LGSN: variants seen among roughly 807,000 people sequenced by gnomAD.
The protein encoded by LGSN is lengsin.
A neutral mutation model predicts 19.5 loss-of-function variants in LGSN; 21 were observed. The observed-to-expected ratio is 1.07, with a 90% confidence interval of 0.76 to 1.55. The LOEUF (loss-of-function observed/expected upper bound fraction) is 1.55. Ranked by LOEUF, LGSN falls within the 40% of genes most tolerant of loss-of-function variation. LGSN has a pLI of 0.00. For synonymous variants in LGSN, 257 were observed against 215.6 expected (o/e 1.19, Z -1.68); for missense variants, 673 against 608.5 (o/e 1.11, Z -1.12).
the LGSN span, among the ~76,000 whole-genome samples, chr6:63,330,863 G>C: frequency 6.6e-6 from 1 of 152,178 alleles, no homozygotes; most frequent in Admixed American, 6.5e-5. Flanking sequence ...TAAAGGCCAG[G>C]GTTTGATCTA....
At chr6:63,421,607 A>G in the LGSN span, among the ~76,000 whole-genome samples, 1 of 152,088 alleles carries the variant, frequency 6.6e-6, no homozygotes, top group Non-Finnish European at 1.5e-5. Context: ...ACGTGCCTGT[A>G]GTCCCAGCTA....
the LGSN span, among the ~76,000 whole-genome samples, chr6:63,350,993 T>G: frequency 1.3e-5 from 2 of 152,182 alleles, no homozygotes; most frequent in Non-Finnish European, 2.9e-5. Flanking sequence ...TATTTGTGTC[T>G]CTTCCACCCA....
chr6:63,552,933 A>G, the LGSN span, among the ~76,000 whole-genome samples: 1 of 152,128 alleles, frequency 6.6e-6, no homozygotes. Flanking sequence ...GCCTTGTAGT[A>G]TAGTTTGAAG....
the LGSN span, among the ~76,000 whole-genome samples, chr6:63,369,556 G>A: frequency 6.6e-6 from 1 of 152,126 alleles, no homozygotes; most frequent in Non-Finnish European, 1.5e-5. Flanking sequence ...TTGAACCATG[G>A]GGCCTATCAG....
chr6:63,405,168 G>C, the LGSN span, among the ~76,000 whole-genome samples: 3 of 151,900 alleles, frequency 2.0e-5, no homozygotes, highest in East Asian at 3.9e-4. Flanking sequence ...GTATTCCATG[G>C]TGTATATGTG....
the LGSN span, among the ~76,000 whole-genome samples, chr6:63,550,869 G>C: frequency 6.6e-6 from 1 of 152,020 alleles, no homozygotes; most frequent in Non-Finnish European, 1.5e-5. Context: ...CAGGTGATCC[G>C]CCTGCCTCGG....
At chr6:63,540,657 G>C in the LGSN span, among the ~76,000 whole-genome samples, 1 of 151,632 alleles carries the variant, frequency 6.6e-6, no homozygotes, top group East Asian at 1.9e-4. Context: ...AAAGAAAAAA[G>C]TTAGATGAAA....
At chr6:63,333,436 A>G in the LGSN span, among the ~76,000 whole-genome samples, 2 of 151,544 alleles carry the variant, frequency 1.3e-5, 1 homozygote, top group South Asian at 4.2e-4. Flanking sequence ...AGAAAAGAAA[A>G]GAAAAGAGGG....
In LGSN at chr6:63,279,950, A is replaced by C. The variant is rs1767223862; in HGVS notation, c.*71T>G. 1 of 1,370,592 alleles carries C rather than the reference A, an allele frequency of 7.3e-7. No homozygotes were observed. Among genetic ancestry groups the C allele is most frequent in the Admixed American group, 2.4e-5 (1 of 42,214 alleles). The allele number at this position is 1,370,592 out of a possible 1,614,324, so 84.9% of individuals were successfully genotyped here. A position where few individuals can be genotyped will look rare whatever the true frequency, so the allele number is the denominator to read the frequency against. On this transcript the variant is annotated 3_prime_UTR_variant, in exon 4 of 4. Coordinates refer to ENST00000370657, the MANE Select transcript of LGSN (RefSeq NM_016571.3). Reference sequence around the variant, plus strand: ...TTGCTGTTGTTAATTACAAAAGTTCAGTCTTTTTGTTTTGGTAGATTAGCT... The same window carrying C: ...TTGCTGTTGTTAATTACAAAAGTTCCGTCTTTTTGTTTTGGTAGATTAGCT...
the LGSN span, among the ~76,000 whole-genome samples, chr6:63,529,187 G>T: frequency 6.9e-6 from 1 of 145,320 alleles, no homozygotes; most frequent in Non-Finnish European, 1.5e-5. Flanking sequence ...GTATATATAT[G>T]TGTGTATATA....
the LGSN span, among the ~76,000 whole-genome samples, chr6:63,476,318 A>G: frequency 6.6e-6 from 1 of 152,236 alleles, no homozygotes; most frequent in East Asian, 1.9e-4. Flanking sequence ...AGAGCAGTTG[A>G]AAAAACCAGG....
chr6:63,305,464 T>C (rs1337053680), intron 1 of LGSN, among the ~76,000 whole-genome samples: 1 of 152,180 alleles, frequency 6.6e-6, no homozygotes, highest in Non-Finnish European at 1.5e-5. Context: ...CCTAGAACTT[T>C]ATAAACAGAC....
At chr6:63,358,980 A>T in the LGSN span, among the ~76,000 whole-genome samples, 2 of 152,170 alleles carry the variant, frequency 1.3e-5, no homozygotes, top group Non-Finnish European at 2.9e-5. Flanking sequence ...TGTCATAAAT[A>T]GCTGTTATTA....
chr6:63,414,560 C>G, the LGSN span, among the ~76,000 whole-genome samples: 1 of 152,136 alleles, frequency 6.6e-6, no homozygotes, highest in South Asian at 2.1e-4. Context: ...TATGCACAAA[C>G]TAATAAAATT....
chr6:63,452,851 T>C, the LGSN span, among the ~76,000 whole-genome samples: 2 of 152,034 alleles, frequency 1.3e-5, no homozygotes, highest in Non-Finnish European at 2.9e-5. Context: ...AATTTGCCCC[T>C]TTTTTTCTAG....
intron 1 of LGSN, among the ~76,000 whole-genome samples, chr6:63,302,901 T>TGGATCAC (rs1441469231): frequency 6.6e-6 from 1 of 151,952 alleles, no homozygotes; most frequent in African/African-American, 2.4e-5. Flanking sequence ...CCGAGGTAGG[T>TGGATCAC]GGATCACTCG....
Position 63,285,731 on chromosome 6 carries a change from T to A in LGSN, c.186A>T (p.Gln62His). 1 of 1,614,018 alleles carries A rather than the reference T, an allele frequency of 6.2e-7. No individual in the cohort carries two copies. Among genetic ancestry groups the A allele is most frequent in the Non-Finnish European group, 8.5e-7 (1 of 1,179,946 alleles). The change falls in exon 3 of 4, where the codon CAA (glutamine) becomes CAT (histidine). Residue 62 changes from glutamine to histidine, a missense_variant. Physicochemically the swap from Gln to His is conservative, Grantham distance 24 (BLOSUM62 0). Transcript: ENST00000370657. ...AAGAGAGTTGAGGTGGGGTCAAAAT[T>A]TGACTGCTGTCCCTCATGCAATCTG... is the stretch of plus-strand genomic sequence containing the variant. The part of the protein sequence containing the change: ...NSNDCMRDSS[Q>H]ILTPPQLSSR...
At chr6:63,519,764 A>G in the LGSN span, among the ~76,000 whole-genome samples, 1 of 152,230 alleles carries the variant, frequency 6.6e-6, no homozygotes, top group Non-Finnish European at 1.5e-5. Context: ...TTAACTTCCT[A>G]CTATTACACT....
the LGSN span, among the ~76,000 whole-genome samples, chr6:63,342,324 A>C: frequency 6.6e-6 from 1 of 152,254 alleles, no homozygotes; most frequent in African/African-American, 2.4e-5. Flanking sequence ...TTATAGAATT[A>C]GTTCAGTTCA....
Sources: gnomAD v4.1 joint callset for allele counts (sites outside exome capture counted in the v4.1 genomes callset) on GRCh38, gnomAD v4.1.1 for gene constraint, MANE v1.5 for transcripts, NCBI Gene and HGNC (gene_info 2026-07-23, HGNC 2026-07-21) for gene names.